SLC15A5: variants seen among roughly 807,000 people sequenced by gnomAD.
SLC15A5 encodes Peptide/histidine transporter ENSP00000340402.
A neutral mutation model predicts 56.1 loss-of-function variants in SLC15A5; 58 were observed. The ratio of observed to expected loss-of-function variants is 1.03; its 90% CI spans 0.84 to 1.29. SLC15A5 has a LOEUF of 1.29. Among genes scored for constraint, SLC15A5 ranks in the 50% most tolerant of loss-of-function variants. The pLI is 0.00. For synonymous variants in SLC15A5, 264 were observed against 250.5 expected (o/e 1.05, Z -0.51); for missense variants, 681 against 672.1 (o/e 1.01, Z -0.15).
At position 16,267,339 on chromosome 12, in the gene SLC15A5, A is replaced by T. The variant is rs1323233260; in HGVS notation, c.584+5222T>A. Among the ~76,000 whole-genome samples, 2 of 117,130 alleles carry T rather than the reference A, an allele frequency of 1.7e-5. 1 individual carries two copies. Among genetic ancestry groups the T allele is most frequent in the African/African-American group, 6.6e-5 (2 of 30,184 alleles). 76.8% of individuals were successfully genotyped at this position (117,130 alleles called of 152,430 possible). On this transcript the variant is annotated intron_variant, in intron 2 of 8. Transcript: ENST00000344941. ...AATAAAATACTTGGGCACCGATTTCATGGTGGATGGCTGTTGTCAATCATT... is the reference window on the plus strand; with the variant it reads ...AATAAAATACTTGGGCACCGATTTCTTGGTGGATGGCTGTTGTCAATCATT...
At chr12:16,262,036 G>A (rs1489415480) in intron 2 of SLC15A5, among the ~76,000 whole-genome samples, 1 of 151,998 alleles carries the variant, frequency 6.6e-6, no homozygotes, top group Non-Finnish European at 1.5e-5. Context: ...TTTTAGAATT[G>A]TTTCTCAGAA....
intron 3 of SLC15A5, among the ~76,000 whole-genome samples, chr12:16,246,116 C>T (rs1864458563): frequency 6.6e-6 from 1 of 152,066 alleles, no homozygotes; most frequent in Non-Finnish European, 1.5e-5. Flanking sequence ...CTTTGGTGGC[C>T]TTTGTGAAGT....
chr12:16,266,186 G>A (rs1864694269), intron 2 of SLC15A5, among the ~76,000 whole-genome samples: 1 of 152,238 alleles, frequency 6.6e-6, no homozygotes. Flanking sequence ...TAAGCCACAG[G>A]TTGTCCTTTC....
intron 3 of SLC15A5, among the ~76,000 whole-genome samples, chr12:16,251,545 G>GTA (rs941763924): frequency 4.6e-5 from 7 of 151,710 alleles, no homozygotes; most frequent in South Asian, 2.1e-4. Context: ...AGGAAGAATT[G>GTA]TACGCCAACA....
chr12:16,256,345 A>G (rs183608765), intron 3 of SLC15A5, among the ~76,000 whole-genome samples: 1 of 152,326 alleles, frequency 6.6e-6, no homozygotes, highest in Non-Finnish European at 1.5e-5. Context: ...AAAATCATCA[A>G]TGAATGCTAA....
At chr12:16,270,429 A>T (rs550859793) in intron 2 of SLC15A5, among the ~76,000 whole-genome samples, 32 of 152,230 alleles carry the variant, frequency 2.1e-4, no homozygotes, top group African/African-American at 7.5e-4. Flanking sequence ...GGCATTTTTG[A>T]CTGGAAGACA....
chr12:16,210,388 T>C (rs3864922), intron 7 of SLC15A5, among the ~76,000 whole-genome samples: 2 of 151,982 alleles, frequency 1.3e-5, no homozygotes, highest in Non-Finnish European at 2.9e-5. Context: ...AATTGAACAG[T>C]ACAACTGAAC....
intron 7 of SLC15A5, among the ~76,000 whole-genome samples, chr12:16,209,681 A>G (rs1404034740): frequency 6.6e-6 from 1 of 151,808 alleles, no homozygotes; most frequent in Admixed American, 6.6e-5. Flanking sequence ...TCCTGACACT[A>G]CCTCCTCCCT....
chr12:16,207,497 C>T (rs1161611207), intron 7 of SLC15A5, among the ~76,000 whole-genome samples: 1 of 152,072 alleles, frequency 6.6e-6, no homozygotes, highest in South Asian at 2.1e-4. Flanking sequence ...GTCTTGTGCT[C>T]TTTAGGCTAT....
In SLC15A5 at chr12:16,239,805, C is replaced by CAGA; in HGVS notation, c.1035_1037dup (p.Leu346dup). The CAGA allele has an allele frequency of 6.5e-7, 1 of 1,537,160 alleles. No individual in the cohort carries two copies. Among genetic ancestry groups the CAGA allele is most frequent in the South Asian group, 1.2e-5 (1 of 84,054 alleles). The stretch of plus-strand genomic sequence containing the variant: ...TGATGGCATTCATTACTGCAATCGG[C>CAGA]AGAAGAAATCCATCCAAATTCAGGT... On this transcript the variant is annotated inframe_insertion, in exon 5 of 9. Transcript: ENST00000344941.
At chr12:16,239,441 A>G (rs1215360487) in intron 5 of SLC15A5, among the ~76,000 whole-genome samples, 1 of 152,208 alleles carries the variant, frequency 6.6e-6, no homozygotes, top group Non-Finnish European at 1.5e-5. Flanking sequence ...AAATTTCACC[A>G]TCTCTTTATA....
Position 16,205,622 on chromosome 12 carries a change from CAT to C in SLC15A5, c.1484-11171_1484-11170del, listed in dbSNP as rs1173291145. ...ACACACACACACACATATATATACA[CAT>C]ATATATATACACATATATACACATG... On this transcript the variant is annotated intron_variant, in intron 7 of 8. Coordinates refer to ENST00000344941, the MANE Select transcript of SLC15A5 (RefSeq NM_001170798.1). Among the ~76,000 whole-genome samples, 142 of 115,054 alleles carry C rather than the reference CAT, an allele frequency of 1.2e-3. 4 individuals are homozygous for C. Among genetic ancestry groups the C allele is most frequent in the African/African-American group, 3.9e-3 (124 of 31,950 alleles). 75.5% of individuals were successfully genotyped at this position (115,054 alleles called of 152,430 possible). A position where few individuals can be genotyped will look rare whatever the true frequency, so the allele number is the denominator to read the frequency against.
chr12:16,271,700 A>G lies in SLC15A5; in HGVS notation c.584+861T>C, dbSNP rs1402714597. ...GGACAATGTAGCTCACATCTGTTTG[A>G]CATCCACTGATAGATAACAAAGAAT... On this transcript the variant is annotated intron_variant, in intron 2 of 8. Coordinates refer to ENST00000344941, the MANE Select transcript of SLC15A5 (RefSeq NM_001170798.1). This position sits in a 1 kb window ranked among gnomAD's most constrained non-coding sequence, Gnocchi z 8.0. Among the ~76,000 whole-genome samples, 2 of 152,192 alleles carry G rather than the reference A, an allele frequency of 1.3e-5. No homozygotes were observed. The highest frequency in any genetic ancestry group is 2.1e-4 in the South Asian group (1 of 4,834).
At chr12:16,217,840 T>C (rs1288097034) in intron 6 of SLC15A5, among the ~76,000 whole-genome samples, 1 of 152,076 alleles carries the variant, frequency 6.6e-6, no homozygotes, top group African/African-American at 2.4e-5. Flanking sequence ...TGGTTATCTT[T>C]CCTTCCCAAG....
At chr12:16,199,144 C>G (rs1565655884) in intron 7 of SLC15A5, among the ~76,000 whole-genome samples, 4 of 151,888 alleles carry the variant, frequency 2.6e-5, no homozygotes. Context: ...TCACCACAGC[C>G]CTTTGTTACT....
rs1864135962 is a variant in SLC15A5, at chr12:16,216,978, G to A, written c.1398C>T (p.Thr466=). 2 of 1,536,746 alleles carry A rather than the reference G, an allele frequency of 1.3e-6. No individual in the cohort carries two copies. Among genetic ancestry groups the A allele is most frequent in the African/African-American group, 2.7e-5 (2 of 73,122 alleles). ...TGAACAGTGTCAGAAAATTCATGGA[G>A]GTTCCTCTGACATTGCTTGGAACAA... is the stretch of plus-strand genomic sequence containing the variant. ...YRFVPSNVRG[T]SMNFLTLFNG... Residue 466 remains threonine (T), a synonymous_variant, in exon 7 of 9, where the codon ACC becomes ACT. Transcript: ENST00000344941.
At chr12:16,222,354 A>G (rs1386014917) in intron 6 of SLC15A5, among the ~76,000 whole-genome samples, 1 of 105,852 alleles carries the variant, frequency 9.4e-6, no homozygotes, top group Non-Finnish European at 2.1e-5. Context: ...TCTCCCAGAA[A>G]GGTAATACTT....
chr12:16,213,582 A>G (rs1864103452), intron 7 of SLC15A5, among the ~76,000 whole-genome samples: 1 of 152,156 alleles, frequency 6.6e-6, no homozygotes, highest in Admixed American at 6.5e-5. Context: ...TACATCTTCT[A>G]TTTTTGGTAC....
chr12:16,224,017 G>T (rs777804428), intron 6 of SLC15A5, among the ~76,000 whole-genome samples: 22 of 152,078 alleles, frequency 1.4e-4, no homozygotes, highest in Non-Finnish European at 3.1e-4. Flanking sequence ...CACCCGGCCT[G>T]TGAGTTTATC....
Sources: allele counts gnomAD v4.1 joint callset (sites outside exome capture counted in the v4.1 genomes callset), GRCh38; gene constraint gnomAD v4.1.1; non-coding constraint Gnocchi (gnomAD v3.1); transcripts MANE v1.5; gene names NCBI Gene and HGNC (gene_info 2026-07-23, HGNC 2026-07-21).